NRG1: variants seen among roughly 807,000 people sequenced by gnomAD.
The protein encoded by NRG1 is neuregulin 1.
Under a neutral mutation model 63.8 loss-of-function variants are expected in NRG1, and 18 were observed. That is an observed-to-expected ratio of 0.28 (90% confidence interval 0.19 to 0.42). NRG1 has a LOEUF of 0.42. Ranked by LOEUF, NRG1 falls within the 10% of genes least tolerant of loss-of-function variation. The pLI, the probability that NRG1 is intolerant of heterozygous loss-of-function variation, is 1.00. For synonymous variants in NRG1, 302 were observed against 301.3 expected, an observed-to-expected ratio of 1.00 and a Z score of -0.02; for missense variants, 762 against 814.7, an observed-to-expected ratio of 0.94 and a Z score of 0.79.
chr8:31,736,428 C>T (rs1322566257), intron 1 of NRG1, among the ~76,000 whole-genome samples: 1 of 152,120 alleles, frequency 6.6e-6, no homozygotes, highest in Non-Finnish European at 1.5e-5. Flanking sequence ...CTAGAGATGT[C>T]TGTCTTCATC....
Position 32,715,552 on chromosome 8 carries a change from A to G in NRG1, c.503-12397A>G, listed in dbSNP as rs924951437. Among the ~76,000 whole-genome samples the G allele has an allele frequency of 2.0e-4, 30 of 152,296 alleles. No individual in the cohort carries two copies. In the East Asian group the frequency reaches 5.6e-3, roughly 28 times the overall value. ...CACTGAAAAGGTGTGAAACCAAGAA[A>G]AGTCTCTCTTTCAATAAAAGTTTTC... On this transcript the variant is annotated intron_variant, in intron 5 of 11. Coordinates refer to ENST00000356819, the Ensembl canonical transcript of NRG1.
intron 1 of NRG1, among the ~76,000 whole-genome samples, chr8:31,925,689 GAC>G (rs1834301677): frequency 8.0e-6 from 1 of 124,670 alleles, no homozygotes; most frequent in South Asian, 2.8e-4. Context: ...AAATTTTTCT[GAC>G]CTATTTTCTT....
At chr8:31,639,513 G>T in intron 1 of NRG1, 3 of 1,514,180 alleles carry the variant, frequency 2.0e-6, no homozygotes, top group Non-Finnish European at 2.7e-6. Flanking sequence ...CGCCTCCAGG[G>T]CTCTCTCCCT....
At position 32,448,365 on chromosome 8, in the gene NRG1, C is replaced by T. The variant is rs371208951; in HGVS notation, c.38-147463C>T. ...TTCTGGTGCCAGGAGGATTTCTAAC[C>T]AGGTTATTTTATCAATAGGAATAAA... On this transcript the variant is annotated intron_variant, in intron 1 of 10. Coordinates refer to the NRG1 transcript ENST00000519301. 7.9e-5 allele frequency among the ~76,000 whole-genome samples: 12 copies of T among 152,222 alleles called. No homozygotes were observed. In the East Asian group the frequency reaches 1.5e-3, roughly 20 times the overall value.
In NRG1 at chr8:31,864,363, A is replaced by G. The variant is rs149663911; in HGVS notation, c.37+224932A>G. ...TCACACAAGACATTTATACTCACCA[A>G]CTGTGCTAACTGGGGACTATGGCAG... On this transcript the variant is annotated intron_variant, in intron 1 of 10. Coordinates refer to the NRG1 transcript ENST00000519301. Among the ~76,000 whole-genome samples, 27 of 152,230 alleles carry G rather than the reference A, an allele frequency of 1.8e-4. 1 individual carries two copies. The highest frequency in any genetic ancestry group is 6.3e-4 in the African/African-American group (26 of 41,542).
At chr8:31,772,269 T>C (rs1818695909) in intron 1 of NRG1, among the ~76,000 whole-genome samples, 1 of 152,200 alleles carries the variant, frequency 6.6e-6, no homozygotes, top group Admixed American at 6.5e-5. Context: ...CACGTTTCTG[T>C]ACCTATATGT....
chr8:32,640,643 C>A (rs1852204693), intron 5 of NRG1, among the ~76,000 whole-genome samples: 1 of 151,704 alleles, frequency 6.6e-6, no homozygotes, highest in Non-Finnish European at 1.5e-5. Flanking sequence ...CACACACACA[C>A]ACACACACAC....
intron 1 of NRG1, among the ~76,000 whole-genome samples, chr8:32,294,123 G>A (rs552773582): frequency 2.0e-5 from 3 of 151,902 alleles, no homozygotes; most frequent in Admixed American, 1.3e-4. Flanking sequence ...TTCTGACTCC[G>A]TAGGATGCCT....
At chr8:32,672,017 G>A (rs1805784539) in intron 5 of NRG1, among the ~76,000 whole-genome samples, 1 of 150,910 alleles carries the variant, frequency 6.6e-6, no homozygotes, top group South Asian at 2.1e-4. Context: ...GAGCCATTCT[G>A]ACTTCTATTC....
At chr8:31,639,365 T>A (rs1803508450) in exon 1 of NRG1, 1 of 1,533,794 alleles carries the variant, frequency 6.5e-7, no homozygotes, top group Non-Finnish European at 8.7e-7. Context: ...GAGGACCCAC[T>A]CGCGGGTCCC....
At chr8:31,870,548 C>A (rs1001648696) in intron 1 of NRG1, among the ~76,000 whole-genome samples, 1 of 151,768 alleles carries the variant, frequency 6.6e-6, no homozygotes, top group Non-Finnish European at 1.5e-5. Context: ...AGATTTTCAC[C>A]ATTTTATTAA....
intron 1 of NRG1, among the ~76,000 whole-genome samples, chr8:32,084,470 G>T (rs1827935316): frequency 6.6e-6 from 1 of 152,048 alleles, no homozygotes; most frequent in South Asian, 2.1e-4. Context: ...TATAGCTTGT[G>T]CCATCTATAC....
chr8:32,400,776 C>G (rs185935181), intron 1 of NRG1, among the ~76,000 whole-genome samples: 1 of 152,212 alleles, frequency 6.6e-6, no homozygotes, highest in Non-Finnish European at 1.5e-5. Context: ...ATCCAGCAAT[C>G]CCATTACTGG....
intron 1 of NRG1, among the ~76,000 whole-genome samples, chr8:31,863,196 C>A (rs1174812551): frequency 1.3e-5 from 2 of 152,178 alleles, no homozygotes; most frequent in East Asian, 1.9e-4. Flanking sequence ...CTCAAACTAG[C>A]AAACTGAACA....
At chr8:32,447,974 G>A (rs1820482456) in intron 1 of NRG1, among the ~76,000 whole-genome samples, 1 of 152,102 alleles carries the variant, frequency 6.6e-6, no homozygotes, top group Admixed American at 6.6e-5. Flanking sequence ...CTTAGGGGTT[G>A]AAATTTTTAT....
chr8:32,602,985 T>C (rs930382002), intron 2 of NRG1, among the ~76,000 whole-genome samples: 8 of 152,202 alleles, frequency 5.3e-5, no homozygotes, highest in Non-Finnish European at 1.2e-4. Flanking sequence ...TTTTAAAAGT[T>C]GTCATATTTT....
chr8:32,417,356 T>A (rs1225733202), intron 1 of NRG1, among the ~76,000 whole-genome samples: 2 of 152,178 alleles, frequency 1.3e-5, no homozygotes, highest in African/African-American at 4.8e-5. Flanking sequence ...CCCAATTCAA[T>A]AAGATACTGC....
intron 1 of NRG1, among the ~76,000 whole-genome samples, chr8:32,200,883 T>C (rs1273656862): frequency 6.6e-6 from 1 of 152,166 alleles, no homozygotes; most frequent in African/African-American, 2.4e-5. Flanking sequence ...TCCATTCTCG[T>C]GTGGGGAAGG....
At chr8:32,134,945 G>C (rs367978085) in intron 1 of NRG1, among the ~76,000 whole-genome samples, 1 of 152,240 alleles carries the variant, frequency 6.6e-6, no homozygotes, top group African/African-American at 2.4e-5. Flanking sequence ...AGCTATTTTA[G>C]ATCAGGTATT....
Sources: gnomAD v4.1 joint callset for allele counts (sites outside exome capture counted in the v4.1 genomes callset) on GRCh38, gnomAD v4.1.1 for gene constraint, MANE v1.5 for transcripts, NCBI Gene and HGNC (gene_info 2026-07-23, HGNC 2026-07-21) for gene names.